Variants in HCN3 observed in about 807,000 individuals in gnomAD.
HCN3 encodes potassium/sodium hyperpolarization-activated cyclic nucleotide-gated channel 3.
HCN3 carries 36 observed loss-of-function variants against 56.8 expected under a neutral mutation model. The observed-to-expected ratio is 0.63, with a 90% CI of 0.49 to 0.84. The LOEUF (loss-of-function observed/expected upper bound fraction) is 0.84, where lower values mean the gene tolerates loss of function less well. Among genes scored for constraint, HCN3 ranks in the 40% least tolerant of loss-of-function variants. HCN3 has a pLI of 0.00. For missense variants in HCN3, 930 were observed against 1,079.3 expected (o/e 0.86, Z 1.94); for synonymous variants, 425 against 439.7 (o/e 0.97, Z 0.42).
rs993567413 is a variant in HCN3, at chr1:155,289,604, C to G, written c.*1141C>G. 6.6e-6 allele frequency: 1 copy of G among 152,428 alleles called. No individual in the cohort carries two copies. The highest frequency in any genetic ancestry group is 2.4e-5 in the African/African-American group (1 of 41,426). 9.4% of individuals were successfully genotyped at this position (152,428 alleles called of 1,614,324 possible). A position where few individuals can be genotyped will look rare whatever the true frequency, so the allele number is the denominator to read the frequency against. The stretch of plus-strand genomic sequence containing the variant: ...TTGGTGCAGGAATAAGGGAAAGGCC[C>G]AAGGTATCCAAGCCTGGGGAAGGGC... On this transcript the variant is annotated 3_prime_UTR_variant, in exon 8 of 8. Transcript: ENST00000368358.
intron 1 of HCN3, among the ~76,000 whole-genome samples, chr1:155,280,584 C>T (rs1196404529): frequency 6.7e-6 from 1 of 149,898 alleles, no homozygotes; most frequent in Admixed American, 6.7e-5. Context: ...CTACGGGCGC[C>T]CGCCACCATG....
chr1:155,284,315 G>A lies in HCN3; in HGVS notation c.870+180G>A. ...CCAGAAGAAGTGCTCGTGTGTTGGAGGGAGCAGGCAAAGGAAGGGTACCTA... is the reference window on the plus strand; with the variant it reads ...CCAGAAGAAGTGCTCGTGTGTTGGAAGGAGCAGGCAAAGGAAGGGTACCTA... On this transcript the variant is annotated intron_variant, in intron 3 of 7. Coordinates refer to ENST00000368358, the MANE Select transcript of HCN3 (RefSeq NM_020897.3). This position sits in a 1 kb window ranked among gnomAD's most constrained non-coding sequence, Gnocchi z 4.3. The A allele has an allele frequency of 1.2e-6, 1 of 858,452 alleles. No homozygotes were observed. The allele number at this position is 858,452 out of a possible 1,614,324, so 53.2% of individuals were successfully genotyped here. A position where few individuals can be genotyped will look rare whatever the true frequency, so the allele number is the denominator to read the frequency against.
intron 6 of HCN3, among the ~76,000 whole-genome samples, chr1:155,286,601 C>T (rs1022015445): frequency 6.6e-6 from 1 of 152,286 alleles, no homozygotes; most frequent in East Asian, 1.9e-4. Flanking sequence ...TGTCCTGGAG[C>T]ATAAGCTTTT....
At chr1:155,287,120 A>G (rs1398764857) in intron 6 of HCN3, 53 bp from the exon 7 acceptor site, 2 of 1,596,188 alleles carry the variant, frequency 1.3e-6, no homozygotes, top group Non-Finnish European at 1.7e-6. Flanking sequence ...GCTCAGCAAG[A>G]GGAGTTCTGG....
Position 155,282,775 on chromosome 1 carries a change from A to G in HCN3, c.643A>G (p.Ile215Val). Residue 215 changes from isoleucine to valine, a missense_variant, in exon 2 of 8, where the codon ATC (isoleucine) becomes GTC (valine). Coordinates refer to ENST00000368358, the MANE Select transcript of HCN3 (RefSeq NM_020897.3). This position sits in a 1 kb window ranked among gnomAD's most constrained non-coding sequence, Gnocchi z 4.7. ...CCTACGCATCGTTCGCTTCACCAAG[A>G]TCCTAAGCCTGCTGAGGCTGCTCCG... ...RALRIVRFTK[I>V]LSLLRLLRLS... The G allele has an allele frequency of 1.2e-6, 2 of 1,613,648 alleles. No individual in the cohort carries two copies. The highest frequency in any genetic ancestry group is 1.7e-6 in the Non-Finnish European group (2 of 1,179,984).
Position 155,284,553 on chromosome 1 carries a change from C to T in HCN3, c.885C>T (p.Gly295=). The T allele has an allele frequency of 3.7e-6, 6 of 1,612,218 alleles. No individual in the cohort carries two copies. The highest frequency in any genetic ancestry group is 5.1e-6 in the Non-Finnish European group (6 of 1,179,644). Reference sequence around the variant, plus strand: ...CTGCCCCTCAGAACCACTCGTGGGGCCGCCAGTATTCCCATGCCCTGTTCA... The same window carrying T: ...CTGCCCCTCAGAACCACTCGTGGGGTCGCCAGTATTCCCATGCCCTGTTCA... ...SINHMVNHSW[G]RQYSHALFKA... is the part of the protein sequence containing the mutation. Residue 295 remains glycine, a synonymous_variant, in exon 4 of 8, where the codon GGC becomes GGT. Transcript: ENST00000368358. The surrounding 1 kb of genome is among the most constrained non-coding windows in gnomAD (Gnocchi z 4.3).
At chr1:155,278,816 C>T (rs755972062) in intron 1 of HCN3, among the ~76,000 whole-genome samples, 1 of 152,172 alleles carries the variant, frequency 6.6e-6, no homozygotes, top group Non-Finnish European at 1.5e-5. Context: ...CCAGCCAGTG[C>T]GCCTTTTCTA....
chr1:155,283,853 T>A, intron 2 of HCN3, 121 bp from the exon 3 acceptor site: 1 of 1,010,206 alleles, frequency 9.9e-7, no homozygotes, highest in South Asian at 1.7e-5. Context: ...TAGTTGTATT[T>A]TTTAATTCAT....
chr1:155,289,791 GAGA>G lies in HCN3; in HGVS notation c.*1331_*1333del, dbSNP rs1674454127. ...GAGTTCTGGGGTTCTTGGTGTGTGG[GAGA>G]AGTTTTATAATTGCTTCCAAACAGC... On this transcript the variant is annotated 3_prime_UTR_variant, in exon 8 of 8. Coordinates refer to ENST00000368358, the MANE Select transcript of HCN3 (RefSeq NM_020897.3). The G allele has an allele frequency of 6.6e-6, 1 of 152,344 alleles. No individual in the cohort carries two copies. 9.4% of individuals were successfully genotyped at this position (152,344 alleles called of 1,614,324 possible).
chr1:155,283,857 A>T, intron 2 of HCN3, 117 bp from the exon 3 acceptor site: 2 of 1,028,178 alleles, frequency 1.9e-6, no homozygotes, highest in Non-Finnish European at 2.8e-6. Flanking sequence ...TGTATTTTTT[A>T]ATTCATGGGG....
chr1:155,283,008 T>C (rs1167565619), intron 2 of HCN3, among the ~76,000 whole-genome samples, 168 bp downstream of exon 2: 2 of 148,270 alleles, frequency 1.3e-5, no homozygotes, highest in Non-Finnish European at 3.0e-5. Flanking sequence ...TCTCCAAAAC[T>C]GGTGGGGGAG....
chr1:155,277,863 C>T lies in HCN3; in HGVS notation c.273C>T (p.Asp91=). ...AGAWIIHPYS[D]FRFYWDLIML... is the part of the protein sequence containing the mutation. ...CCTGGATCATCCACCCCTACAGCGA[C>T]TTCCGGTATTGGGGGCTTGGCGGGG... Residue 91 remains aspartate (D), a synonymous_variant, in exon 1 of 8, where the codon GAC becomes GAT. Coordinates refer to ENST00000368358, the MANE Select transcript of HCN3 (RefSeq NM_020897.3). 6.2e-7 allele frequency: 1 copy of T among 1,611,906 alleles called. No individual in the cohort carries two copies. The highest frequency in any genetic ancestry group is 8.5e-7 in the Non-Finnish European group (1 of 1,179,824).
At chr1:155,279,460 C>A (rs1471163118) in intron 1 of HCN3, among the ~76,000 whole-genome samples, 7 of 152,184 alleles carry the variant, frequency 4.6e-5, no homozygotes. Context: ...TCCTGTGGAG[C>A]TTCTCTGTGT....
Position 155,284,140 on chromosome 1 carries a change from G to C in HCN3, c.870+5G>C. ...GTCTCCATCAACCACATGGTGGTGA[G>C]AAGTCCCCACAGCTCTGCCTTTCCT... On this transcript the variant is annotated splice_donor_5th_base_variant and intron_variant, in intron 3 of 7. Coordinates refer to ENST00000368358, the MANE Select transcript of HCN3 (RefSeq NM_020897.3). This position sits in a 1 kb window ranked among gnomAD's most constrained non-coding sequence, Gnocchi z 4.3. The C allele has an allele frequency of 6.2e-7, 1 of 1,613,748 alleles. No homozygotes were observed. The highest frequency in any genetic ancestry group is 8.5e-7 in the Non-Finnish European group (1 of 1,179,648).
At chr1:155,279,699 C>G (rs1479837437) in intron 1 of HCN3, among the ~76,000 whole-genome samples, 1 of 152,182 alleles carries the variant, frequency 6.6e-6, no homozygotes, top group Non-Finnish European at 1.5e-5. Context: ...ATGGGGGAAG[C>G]AGCAGCCTTT....
chr1:155,281,066 T>C (rs1003334585), intron 1 of HCN3, among the ~76,000 whole-genome samples: 3 of 150,288 alleles, frequency 2.0e-5, no homozygotes, highest in African/African-American at 7.4e-5. Flanking sequence ...TGGCTAATTT[T>C]TAATTTTTTT....
Position 155,285,320 on chromosome 1 carries a change from G to A in HCN3, c.1236+9G>A. ...GCGAGCCGCTTCGCGAGGTGGGGCT[G>A]GGTTGGGCCTGGAAGGGGGGCTCTT... On this transcript the variant is annotated intron_variant, in intron 5 of 7. Coordinates refer to ENST00000368358, the MANE Select transcript of HCN3 (RefSeq NM_020897.3). This position sits in a 1 kb window ranked among gnomAD's most constrained non-coding sequence, Gnocchi z 4.5. 1 of 1,613,714 alleles carries A rather than the reference G, an allele frequency of 6.2e-7. No individual in the cohort carries two copies. The highest frequency in any genetic ancestry group is 8.5e-7 in the Non-Finnish European group (1 of 1,179,694).
chr1:155,288,669 C>A lies in HCN3; in HGVS notation c.*206C>A. ...AGCTTGTCCCATCATAATCCATTCACCCGTTCATCATGTGTACTGAGCAGC... is the reference window on the plus strand; with the variant it reads ...AGCTTGTCCCATCATAATCCATTCAACCGTTCATCATGTGTACTGAGCAGC... On this transcript the variant is annotated 3_prime_UTR_variant, in exon 8 of 8. Coordinates refer to ENST00000368358, the MANE Select transcript of HCN3 (RefSeq NM_020897.3). The surrounding 1 kb of genome is among the most constrained non-coding windows in gnomAD (Gnocchi z 6.5). The A allele has an allele frequency of 1.6e-6, 1 of 645,022 alleles. No individual in the cohort carries two copies. 40.0% of individuals were successfully genotyped at this position (645,022 alleles called of 1,614,324 possible).
chr1:155,287,446 A>G, intron 7 of HCN3, 109 bp downstream of exon 7: 1 of 1,302,544 alleles, frequency 7.7e-7, no homozygotes, highest in South Asian at 1.4e-5. Context: ...CAATCCATTC[A>G]GTCCCAACAA....
Sources: gnomAD v4.1 joint callset for allele counts (sites outside exome capture counted in the v4.1 genomes callset) on GRCh38, gnomAD v4.1.1 for gene constraint, Gnocchi (gnomAD v3.1) non-coding constraint, MANE v1.5 for transcripts, NCBI Gene and HGNC (gene_info 2026-07-23, HGNC 2026-07-21) for gene names.